Variants in LMNA observed in about 807,000 individuals in gnomAD.
LMNA encodes lamin.
Under a neutral mutation model 70.4 loss-of-function variants are expected in LMNA, and 20 were observed. The observed-to-expected ratio is 0.28, with a 90% confidence interval of 0.20 to 0.41. The LOEUF (loss-of-function observed/expected upper bound fraction) is 0.41, where lower values mean the gene tolerates loss of function less well. Among genes scored for constraint, LMNA ranks in the 10% least tolerant of loss-of-function variants. LMNA has a pLI of 1.00. For synonymous variants in LMNA, 339 were observed against 372.8 expected, an observed-to-expected ratio of 0.91 and a Z score of 1.04; for missense variants, 652 against 917.2, an observed-to-expected ratio of 0.71 and a Z score of 3.73.
intron 3 of LMNA, among the ~76,000 whole-genome samples, chr1:156,104,019 G>T (rs1649233274): frequency 6.6e-6 from 1 of 152,088 alleles, no homozygotes; most frequent in African/African-American, 2.4e-5. Flanking sequence ...CCCCTTCACA[G>T]CCCCCACTGA....
intron 3 of LMNA, among the ~76,000 whole-genome samples, chr1:156,107,245 C>A (rs1023095400): frequency 6.6e-6 from 1 of 152,176 alleles, no homozygotes; most frequent in Non-Finnish European, 1.5e-5. Flanking sequence ...TCCAGTCGCC[C>A]CTCCAGCCCC....
rs6657367 is a variant in LMNA at position 156,126,585 on chromosome 1, G to A, written c.357-4032G>A. On this transcript the variant is annotated intron_variant, in intron 1 of 11. Transcript: ENST00000368300. Reference sequence around the variant, plus strand: ...GCCCCAAGGGCCCGGGCCTGCTGCAGCTGGGGAGCCGGACTTCCTTGTCCC... The same window carrying A: ...GCCCCAAGGGCCCGGGCCTGCTGCAACTGGGGAGCCGGACTTCCTTGTCCC... The A allele has an allele frequency of 0.035, 29,861 of 843,536 alleles. 968 individuals are homozygous for A. The highest frequency in any genetic ancestry group is 0.13 in the African/African-American group (7,634 of 60,370). 52.3% of individuals were successfully genotyped at this position (843,536 alleles called of 1,614,324 possible). A position where few individuals can be genotyped will look rare whatever the true frequency, so the allele number is the denominator to read the frequency against.
At chr1:156,132,462 T>A (rs1651159447) in intron 2 of LMNA, among the ~76,000 whole-genome samples, 1 of 151,934 alleles carries the variant, frequency 6.6e-6, no homozygotes, top group East Asian at 1.9e-4. Context: ...AGAGCGAGAC[T>A]CCATCTCAAA....
Position 156,115,232 on chromosome 1 carries a change from A to T in LMNA, c.314A>T (p.Glu105Val). The T allele has an allele frequency of 6.2e-7, 1 of 1,613,036 alleles. No individual in the cohort carries two copies. Among genetic ancestry groups the T allele is most frequent in the Non-Finnish European group, 8.5e-7 (1 of 1,179,842 alleles). The change falls in exon 1 of 12, where the codon GAG becomes GTG. Residue 105 changes from glutamate to valine, a missense_variant. By Grantham distance (121) the Glu-to-Val change is moderately radical. Around this residue, in one of 4 missense-constraint regions of LMNA, gnomAD observed 254 missense variants for 421.9 expected, o/e 0.60. Transcript: ENST00000368300. This position sits in a 1 kb window ranked among gnomAD's most constrained non-coding sequence, Gnocchi z 5.8. ...VAKERARLQL[E>V]LSKVREEFKE... ...AAGGAGCGCGCCCGCCTGCAGCTGGAGCTGAGCAAAGTGCGTGAGGAGTTT... is the reference window on the plus strand; with the variant it reads ...AAGGAGCGCGCCCGCCTGCAGCTGGTGCTGAGCAAAGTGCGTGAGGAGTTT...
Position 156,136,032 on chromosome 1 carries a change from G to A in LMNA, c.1068G>A (p.Leu356=). ...AEMRARMQQQ[L]DEYQELLDIK... is the part of the protein sequence containing the mutation. The stretch of plus-strand genomic sequence containing the variant: ...TGCGGGCAAGGATGCAGCAGCAGCT[G>A]GACGAGTACCAGGAGCTTCTGGACA... Residue 356 remains leucine, a synonymous_variant, in exon 6 of 12, where the codon CTG becomes CTA. Coordinates refer to ENST00000368300, the MANE Select transcript of LMNA (RefSeq NM_170707.4). This position sits in a 1 kb window ranked among gnomAD's most constrained non-coding sequence, Gnocchi z 6.1. The A allele has an allele frequency of 6.2e-7, 1 of 1,614,182 alleles. No individual in the cohort carries two copies. The highest frequency in any genetic ancestry group is 8.5e-7 in the Non-Finnish European group (1 of 1,180,034).
In LMNA at chr1:156,136,490, C is replaced by T; in HGVS notation, c.1380+54C>T. ...TACAGCTGCATCAGGGAGAGAGTGG[C>T]AAGACAGAAGGATGGCATGTGGAGA... is the stretch of plus-strand genomic sequence containing the variant. On this transcript the variant is annotated intron_variant, in intron 7 of 11. Coordinates refer to ENST00000368300, the MANE Select transcript of LMNA (RefSeq NM_170707.4). The surrounding 1 kb of genome is among the most constrained non-coding windows in gnomAD (Gnocchi z 6.1). 6.7e-7 allele frequency: 1 copy of T among 1,497,948 alleles called. No homozygotes were observed. Among genetic ancestry groups the T allele is most frequent in the South Asian group, 1.2e-5 (1 of 82,786 alleles). 92.8% of individuals were successfully genotyped at this position (1,497,948 alleles called of 1,614,324 possible). A position where few individuals can be genotyped will look rare whatever the true frequency, so the allele number is the denominator to read the frequency against.
At chr1:156,087,823 G>A (rs534323452) in intron 2 of LMNA, among the ~76,000 whole-genome samples, 4 of 151,742 alleles carry the variant, frequency 2.6e-5, no homozygotes, top group African/African-American at 7.3e-5. Flanking sequence ...AAAGTGCTGC[G>A]ATTATAGGAA....
chr1:156,130,967 A>G (rs1651013433), intron 2 of LMNA, among the ~76,000 whole-genome samples, 194 bp downstream of exon 2: 1 of 152,176 alleles, frequency 6.6e-6, no homozygotes, highest in South Asian at 2.1e-4. Flanking sequence ...GATCTACCAC[A>G]GTGAATTTAA....
chr1:156,099,432 C>T (rs562053652), intron 3 of LMNA, among the ~76,000 whole-genome samples: 1 of 152,264 alleles, frequency 6.6e-6, no homozygotes, highest in East Asian at 1.9e-4. Flanking sequence ...ATTAATTGTG[C>T]AACATTGGAC....
At chr1:156,089,642 G>T (rs1268996193) in intron 2 of LMNA, among the ~76,000 whole-genome samples, 1 of 151,362 alleles carries the variant, frequency 6.6e-6, no homozygotes, top group African/African-American at 2.4e-5. Flanking sequence ...GGGACTCGGA[G>T]GGCTACAGAG....
intron 2 of LMNA, among the ~76,000 whole-genome samples, chr1:156,087,238 CT>C (rs1291468244): frequency 6.6e-6 from 1 of 151,244 alleles, no homozygotes; most frequent in Non-Finnish European, 1.5e-5. Context: ...ATTTTCTTTT[CT>C]TTCCTTTTTT....
chr1:156,097,515 G>A (rs760597166), intron 3 of LMNA, among the ~76,000 whole-genome samples: 6 of 152,208 alleles, frequency 3.9e-5, no homozygotes, highest in African/African-American at 7.2e-5. Context: ...TGGAATTACC[G>A]TTATCCCTGT....
chr1:156,134,568 G>A lies in LMNA; in HGVS notation c.639+40G>A, dbSNP rs773476774. On this transcript the variant is annotated intron_variant, in intron 3 of 11. Transcript: ENST00000368300. The surrounding 1 kb of genome is among the most constrained non-coding windows in gnomAD (Gnocchi z 5.3). ...TTGCAAGCCAGAGGGCTGGGGCTGG[G>A]TGATGACAGACTTGGGCTGGGCTAG... The A allele has an allele frequency of 2.5e-6, 4 of 1,612,740 alleles. No individual in the cohort carries two copies. Among genetic ancestry groups the A allele is most frequent in the East Asian group, 2.2e-5 (1 of 44,882 alleles).
chr1:156,137,940 TC>T lies in LMNA; in HGVS notation c.1698+198del. 8.4e-7 allele frequency: 1 copy of T among 1,190,614 alleles called. No homozygotes were observed. The highest frequency in any genetic ancestry group is 1.5e-5 in the African/African-American group (1 of 65,598). The allele number at this position is 1,190,614 out of a possible 1,614,324, so 73.8% of individuals were successfully genotyped here. On this transcript the variant is annotated intron_variant, in intron 10 of 11. Transcript: ENST00000368300. The surrounding 1 kb of genome is among the most constrained non-coding windows in gnomAD (Gnocchi z 4.6). ...GAACCCAGGTGTCTGGGTGCCCTAC[TC>T]TGGTAAGGAAGGGAGTGGGAACTTT...
chr1:156,099,549 A>C (rs1649064058), intron 3 of LMNA, among the ~76,000 whole-genome samples: 1 of 152,122 alleles, frequency 6.6e-6, no homozygotes, highest in African/African-American at 2.4e-5. Context: ...CAGGAGTTTT[A>C]AGGCTGCAGT....
rs1651438539 is a variant in LMNA, at chr1:156,135,133, G to A, written c.811-54G>A. 2 of 1,613,492 alleles carry A rather than the reference G, an allele frequency of 1.2e-6. No homozygotes were observed. Among genetic ancestry groups the A allele is most frequent in the South Asian group, 1.1e-5 (1 of 90,984 alleles). On this transcript the variant is annotated intron_variant, in intron 4 of 11. Transcript: ENST00000368300. The surrounding 1 kb of genome is among the most constrained non-coding windows in gnomAD (Gnocchi z 4.8). ...TAGCAGTGATGCCCAACTCAGGCCT[G>A]TGCCTCCACCCCTCCCAGTCACCAC...
chr1:156,104,345 G>C (rs552526283), intron 3 of LMNA, among the ~76,000 whole-genome samples: 3 of 152,288 alleles, frequency 2.0e-5, no homozygotes, highest in African/African-American at 7.2e-5. Context: ...AACTGTTGTC[G>C]TCTGGTAAAT....
chr1:156,125,346 G>A (rs1238481617), intron 1 of LMNA, among the ~76,000 whole-genome samples: 2 of 152,164 alleles, frequency 1.3e-5, no homozygotes, highest in Non-Finnish European at 2.9e-5. Flanking sequence ...GGTGGCAGCA[G>A]AAGACGCCCT....
intron 2 of LMNA, among the ~76,000 whole-genome samples, chr1:156,133,341 G>C (rs1651245324): frequency 6.6e-6 from 1 of 152,020 alleles, no homozygotes; most frequent in African/African-American, 2.4e-5. Flanking sequence ...GGGAGGCCAA[G>C]GTGGGCAGAT....
Sources: allele counts gnomAD v4.1 joint callset (sites outside exome capture counted in the v4.1 genomes callset), GRCh38; gene constraint gnomAD v4.1.1; regional missense constraint gnomAD v4.1.1; non-coding constraint Gnocchi (gnomAD v3.1); transcripts MANE v1.5; gene names NCBI Gene and HGNC (gene_info 2026-07-23, HGNC 2026-07-21).